Variants in POLR1A observed in about 807,000 individuals in gnomAD.
POLR1A encodes the protein RNA polymerase I subunit A, also known as DNA-directed RNA polymerase I subunit RPA1.
In POLR1A, 84 loss-of-function variants were observed where a neutral mutation model predicts 205.3. The ratio of observed to expected loss-of-function variants is 0.41; its 90% CI spans 0.34 to 0.49. The LOEUF (loss-of-function observed/expected upper bound fraction) is 0.49. Ranked by LOEUF, POLR1A falls within the 20% of genes least tolerant of loss-of-function variation. The probability of loss-of-function intolerance (pLI) is 0.22; values close to 1 mark genes in which losing one functional copy is unlikely to be tolerated. For missense variants in POLR1A, 1,645 were observed against 2,204.5 expected (o/e 0.75, Z 5.08); for synonymous variants, 799 against 863.7 (o/e 0.93, Z 1.31).
chr2:86,074,687 A>G (rs1673246824), intron 12 of POLR1A, among the ~76,000 whole-genome samples: 1 of 152,210 alleles, frequency 6.6e-6, no homozygotes, highest in African/African-American at 2.4e-5. Context: ...AAACATCAGC[A>G]TGCAGAAGAA....
At chr2:86,099,046 G>A (rs1673761983) in intron 2 of POLR1A, among the ~76,000 whole-genome samples, 1 of 152,110 alleles carries the variant, frequency 6.6e-6, no homozygotes, top group Non-Finnish European at 1.5e-5. Flanking sequence ...TTAATTAAGA[G>A]ACTTCTCAGC....
intron 13 of POLR1A, 69 bp from the exon 14 acceptor site, chr2:86,065,534 G>A (rs1673071794): frequency 2.2e-6 from 3 of 1,343,964 alleles, no homozygotes; most frequent in African/African-American, 2.9e-5. Context: ...ATCCCTAATC[G>A]CCTGCCTGGA....
At chr2:86,044,852 C>T (rs895241486) in intron 21 of POLR1A, among the ~76,000 whole-genome samples, 3 of 152,334 alleles carry the variant, frequency 2.0e-5, no homozygotes, top group East Asian at 1.9e-4. Context: ...CTTACCTCTC[C>T]GGACACTCTG....
rs1323241152 is a variant in POLR1A, at chr2:86,026,431, A to G, written c.*992T>C. 6.6e-6 allele frequency: 1 copy of G among 152,272 alleles called. No homozygotes were observed. 9.4% of individuals were successfully genotyped at this position (152,272 alleles called of 1,614,324 possible). A position where few individuals can be genotyped will look rare whatever the true frequency, so the allele number is the denominator to read the frequency against. Reference sequence around the variant, plus strand: ...ATAACAGTAGACAAAGATAGAAGCTAGCCTCTGGTTTTACAAAGCCTTTGT... The same window carrying G: ...ATAACAGTAGACAAAGATAGAAGCTGGCCTCTGGTTTTACAAAGCCTTTGT... On this transcript the variant is annotated 3_prime_UTR_variant, in exon 34 of 34. Coordinates refer to ENST00000263857, the MANE Select transcript of POLR1A (RefSeq NM_015425.6).
chr2:86,095,185 G>A (rs1289047116), intron 3 of POLR1A, among the ~76,000 whole-genome samples: 1 of 152,204 alleles, frequency 6.6e-6, no homozygotes, highest in African/African-American at 2.4e-5. Context: ...ACTAGGCCAT[G>A]TCTCTTTGGG....
At chr2:86,100,226 G>T in intron 1 of POLR1A, 54 bp from the exon 2 acceptor site, 1 of 1,357,188 alleles carries the variant, frequency 7.4e-7, no homozygotes, top group Non-Finnish European at 1.1e-6. Context: ...CCTCTCTGAT[G>T]TTTCCTTTCC....
intron 11 of POLR1A, among the ~76,000 whole-genome samples, chr2:86,075,478 TGAG>T (rs1411287550): frequency 6.6e-6 from 1 of 152,196 alleles, no homozygotes; most frequent in Admixed American, 6.5e-5. Flanking sequence ...CCAGTTAGTC[TGAG>T]GAGAATAATT....
At chr2:86,061,602 C>T (rs977098285) in intron 14 of POLR1A, among the ~76,000 whole-genome samples, 4 of 152,000 alleles carry the variant, frequency 2.6e-5, no homozygotes, top group African/African-American at 9.7e-5. Flanking sequence ...TTGTAACAGT[C>T]AAATGAAGGT....
intron 14 of POLR1A, among the ~76,000 whole-genome samples, chr2:86,054,922 T>C (rs1167532839): frequency 6.6e-6 from 1 of 152,182 alleles, no homozygotes; most frequent in Non-Finnish European, 1.5e-5. Flanking sequence ...CCGGCAGGTG[T>C]GACAGGCTCC....
intron 9 of POLR1A, among the ~76,000 whole-genome samples, chr2:86,080,157 T>G (rs1198237594): frequency 6.6e-6 from 1 of 152,144 alleles, no homozygotes; most frequent in African/African-American, 2.4e-5. Context: ...TACCCAAGGC[T>G]GCCTATTTGC....
At chr2:86,102,903 T>C (rs1673848770) in intron 1 of POLR1A, among the ~76,000 whole-genome samples, 1 of 152,046 alleles carries the variant, frequency 6.6e-6, no homozygotes, top group African/African-American at 2.4e-5. Context: ...ACAAATGGTG[T>C]TGTTAAGAAC....
intron 16 of POLR1A, 103 bp downstream of exon 16, chr2:86,052,714 G>T (rs35618928): frequency 2.1e-6 from 2 of 943,664 alleles, no homozygotes; most frequent in Non-Finnish European, 3.1e-6. Flanking sequence ...CAGAAGCCTT[G>T]GAAATCTTCA....
At chr2:86,062,194 T>G (rs2104406110) in intron 14 of POLR1A, among the ~76,000 whole-genome samples, 1 of 152,304 alleles carries the variant, frequency 6.6e-6, no homozygotes, top group East Asian at 1.9e-4. Flanking sequence ...CAAATTCTTG[T>G]GTAGTGTAGT....
chr2:86,077,807 GCGCGCA>G lies in POLR1A; in HGVS notation c.1380+46_1380+51del, dbSNP rs1307149244. On this transcript the variant is annotated intron_variant, in intron 11 of 33. Transcript: ENST00000263857. ...GGGAGCAAATGAGCCCTGCACGCGC[GCGCGCA>G]CACACACACACACACACACACACAC... The G allele has an allele frequency of 8.9e-6, 9 of 1,008,656 alleles. No homozygotes were observed. The African/African-American group carries it at 1.0e-4, about 12-fold the overall frequency. The allele number at this position is 1,008,656 out of a possible 1,614,324, so 62.5% of individuals were successfully genotyped here.
intron 27 of POLR1A, among the ~76,000 whole-genome samples, chr2:86,034,757 C>T (rs965647131): frequency 6.6e-6 from 1 of 152,184 alleles, no homozygotes; most frequent in African/African-American, 2.4e-5. Context: ...AGACAGACTC[C>T]AGGCCCTCAA....
At chr2:86,088,468 G>A (rs1257563644) in intron 6 of POLR1A, 98 bp downstream of exon 6, 1 of 782,276 alleles carries the variant, frequency 1.3e-6, no homozygotes, top group East Asian at 2.5e-5. Flanking sequence ...CCCAAATGCA[G>A]CAGAGAAACA....
Position 86,028,737 on chromosome 2 carries a change from T to C in POLR1A, c.4780-26A>G. The C allele has an allele frequency of 1.3e-6, 2 of 1,559,638 alleles. No individual in the cohort carries two copies. The highest frequency in any genetic ancestry group is 2.2e-5 in the East Asian group (1 of 44,492). On this transcript the variant is annotated intron_variant, in intron 31 of 33. Coordinates refer to ENST00000263857, the MANE Select transcript of POLR1A (RefSeq NM_015425.6). The surrounding 1 kb of genome is among the most constrained non-coding windows in gnomAD (Gnocchi z 4.5). ...CTGGAGAGAGGAAGGAAGGGATTTATTTAGAGGGCCTGGCCTTCTGCTCCC... is the reference window on the plus strand; with the variant it reads ...CTGGAGAGAGGAAGGAAGGGATTTACTTAGAGGGCCTGGCCTTCTGCTCCC...
rs919947597 is a variant in POLR1A at position 86,068,392 on chromosome 2, G to T, written c.1866+1626C>A. ...GCACAGCCAAGCACATGGGCGGGGG[G>T]GGGGGGCGGGTGTCGTCCAAAGCTG... is the stretch of plus-strand genomic sequence containing the variant. On this transcript the variant is annotated intron_variant, in intron 13 of 33. Transcript: ENST00000263857. Among the ~76,000 whole-genome samples the T allele has an allele frequency of 5.2e-5, 6 of 114,760 alleles. 1 individual carries two copies. The highest frequency in any genetic ancestry group is 7.3e-5 in the Non-Finnish European group (4 of 54,588). 75.3% of individuals were successfully genotyped at this position (114,760 alleles called of 152,430 possible).
At position 86,035,521 on chromosome 2, in the gene POLR1A, G is replaced by GGC. The variant is rs1036151311; in HGVS notation, c.4035-1736_4035-1735dup. ...GGAATGAGGCGGAGTGGGGGTGCGG[G>GGC]GCTCAGCTGCTGCCACACACAGGGC... On this transcript the variant is annotated intron_variant, in intron 27 of 33. Coordinates refer to ENST00000263857, the MANE Select transcript of POLR1A (RefSeq NM_015425.6). Among the ~76,000 whole-genome samples the GGC allele has an allele frequency of 2.5e-4, 38 of 152,294 alleles. 1 individual carries two copies. Among genetic ancestry groups the GGC allele is most frequent in the African/African-American group, 9.1e-4 (38 of 41,554 alleles).
Sources: gnomAD v4.1 joint callset for allele counts (sites outside exome capture counted in the v4.1 genomes callset) on GRCh38, gnomAD v4.1.1 for gene constraint, Gnocchi (gnomAD v3.1) non-coding constraint, MANE v1.5 for transcripts, NCBI Gene and HGNC (gene_info 2026-07-23, HGNC 2026-07-21) for gene names.